The following SBF2 variants were observed in gnomAD, a reference collection of about 807,000 sequenced individuals.
SBF2 encodes the protein myotubularin-related protein 13.
SBF2 carries 112 observed loss-of-function variants against 225.2 expected under a neutral mutation model. That is an observed-to-expected ratio of 0.50 (90% confidence interval 0.43 to 0.58). The LOEUF is 0.58. SBF2 is among the 20% of genes least tolerant of loss of function. The pLI, the probability that SBF2 is intolerant of heterozygous loss-of-function variation, is 0.00. For synonymous variants in SBF2, 763 were observed against 773.3 expected, an observed-to-expected ratio of 0.99 and a Z score of 0.22; for missense variants, 1,996 against 2,206.2, an observed-to-expected ratio of 0.90 and a Z score of 1.91.
At chr11:10,047,916 C>A (rs1389003611) in intron 2 of SBF2, among the ~76,000 whole-genome samples, 1 of 152,162 alleles carries the variant, frequency 6.6e-6, no homozygotes, top group East Asian at 1.9e-4. Flanking sequence ...CTCTCGCCCT[C>A]TCCAAACCAA....
chr11:9,942,019 G>C (rs773119223), intron 16 of SBF2, among the ~76,000 whole-genome samples: 4 of 152,162 alleles, frequency 2.6e-5, no homozygotes, highest in Non-Finnish European at 5.9e-5. Context: ...CAACAAAACA[G>C]GGCACCTAAC....
rs569414528 is a variant in SBF2 at position 9,833,484 on chromosome 11, G to C, written c.3456-1064C>G. On this transcript the variant is annotated intron_variant, in intron 26 of 39. Transcript: ENST00000256190. ...CGCCCAGGCTGGAGTGCAGTGGCAC[G>C]ATCTCGGCCCATTGCAAGCTCCGCC... is the stretch of plus-strand genomic sequence containing the variant. Among the ~76,000 whole-genome samples the C allele has an allele frequency of 1.8e-4, 26 of 146,466 alleles. 1 individual carries two copies. The highest frequency in any genetic ancestry group is 6.5e-4 in the African/African-American group (26 of 39,798).
At chr11:10,001,163 T>C in intron 7 of SBF2, 141 bp from the exon 8 acceptor site, 1 of 609,916 alleles carries the variant, frequency 1.6e-6, no homozygotes, top group Non-Finnish European at 3.0e-6. Context: ...AATACTAAAA[T>C]TTTGGAAAAA....
intron 2 of SBF2, among the ~76,000 whole-genome samples, chr11:10,069,609 G>A (rs997740965): frequency 3.3e-5 from 5 of 152,118 alleles, no homozygotes; most frequent in African/African-American, 1.2e-4. Context: ...GAACAGTGCT[G>A]CAATAAACAT....
At chr11:10,024,581 C>T (rs1948980607) in intron 6 of SBF2, among the ~76,000 whole-genome samples, 1 of 151,982 alleles carries the variant, frequency 6.6e-6, no homozygotes, top group Admixed American at 6.6e-5. Flanking sequence ...TTGTTCTCAG[C>T]CCCCCAGACA....
At chr11:10,037,721 CTA>C (rs1273707693) in intron 3 of SBF2, among the ~76,000 whole-genome samples, 3 of 146,414 alleles carry the variant, frequency 2.0e-5, no homozygotes, top group Non-Finnish European at 4.5e-5. Flanking sequence ...CATGTTCTCT[CTA>C]TGTCTTCTAC....
chr11:9,899,967 T>A (rs1419806176), intron 16 of SBF2, among the ~76,000 whole-genome samples: 1 of 151,598 alleles, frequency 6.6e-6, no homozygotes, highest in East Asian at 1.9e-4. Flanking sequence ...CTGATAGCTG[T>A]TACTTGGGGG....
intron 8 of SBF2, among the ~76,000 whole-genome samples, chr11:9,999,129 G>C (rs1947833509): frequency 6.6e-6 from 1 of 152,100 alleles, no homozygotes; most frequent in African/African-American, 2.4e-5. Context: ...ACCAAGATGA[G>C]TGAAGTTGTT....
At chr11:9,784,257 A>G in intron 38 of SBF2, 94 bp downstream of exon 38, 2 of 948,872 alleles carry the variant, frequency 2.1e-6, no homozygotes, top group South Asian at 2.6e-5. Context: ...CAGTCTGTAC[A>G]TGAGGAATCT....
chr11:10,029,055 C>T (rs1273593586), intron 5 of SBF2, among the ~76,000 whole-genome samples: 1 of 152,016 alleles, frequency 6.6e-6, no homozygotes, highest in African/African-American at 2.4e-5. Flanking sequence ...ATGCCAATCC[C>T]ACTATAAGCA....
At chr11:9,920,206 A>G (rs145435679) in intron 16 of SBF2, among the ~76,000 whole-genome samples, 2,617 of 114,422 alleles carry the variant, frequency 0.023, 65 homozygotes, top group East Asian at 0.1. Flanking sequence ...GTGTGTGTGT[A>G]TATATATATA....
In SBF2 at chr11:9,849,257, C is replaced by A. The variant is rs187158336; in HGVS notation, c.2806+766G>T. 5.2e-3 allele frequency among the ~76,000 whole-genome samples: 790 copies of A among 152,160 alleles called. 10 individuals carry two copies. The South Asian group carries it at 0.055, about 11-fold the overall frequency. ...ACCACTGAATTATCACCAATGAAAG[C>A]CCAATCTCCCAATTTTATAAAAGAG... is the stretch of plus-strand genomic sequence containing the variant. On this transcript the variant is annotated intron_variant, in intron 22 of 39. Coordinates refer to ENST00000256190, the MANE Select transcript of SBF2 (RefSeq NM_030962.4).
At chr11:10,294,599 T>A (rs187116420), upstream of SBF2, among the ~76,000 whole-genome samples, 63 of 152,366 alleles carry the variant, frequency 4.1e-4, no homozygotes, top group African/African-American at 1.4e-3. Context: ...CCGCCCTCGG[T>A]TGGAAGCAAG....
chr11:10,013,147 A>C (rs1399466125), intron 6 of SBF2, among the ~76,000 whole-genome samples: 1 of 152,170 alleles, frequency 6.6e-6, no homozygotes, highest in Admixed American at 6.6e-5. Context: ...TCCTCTTCAC[A>C]ATTTCTCTGT....
intron 2 of SBF2, among the ~76,000 whole-genome samples, chr11:10,055,969 A>G (rs1191336632): frequency 6.6e-6 from 1 of 152,230 alleles, no homozygotes; most frequent in Non-Finnish European, 1.5e-5. Flanking sequence ...AAAAATTTCA[A>G]GAAGAAAATT....
chr11:10,035,966 G>A (rs1006942778), intron 3 of SBF2, among the ~76,000 whole-genome samples: 1 of 152,138 alleles, frequency 6.6e-6, no homozygotes, highest in Non-Finnish European at 1.5e-5. Context: ...GCACACGTAT[G>A]CTTATTGTGA....
chr11:9,980,986 A>G (rs1946931618), intron 13 of SBF2, among the ~76,000 whole-genome samples: 1 of 152,240 alleles, frequency 6.6e-6, no homozygotes, highest in Non-Finnish European at 1.5e-5. Context: ...TATTCCCTCA[A>G]AGAAAGATCA....
chr11:10,010,440 T>A (rs1376753788), intron 6 of SBF2, among the ~76,000 whole-genome samples: 1 of 152,198 alleles, frequency 6.6e-6, no homozygotes, highest in Non-Finnish European at 1.5e-5. Flanking sequence ...GGGTTGAGTT[T>A]CAGTTTTTTG....
chr11:9,942,242 A>AT lies in SBF2; in HGVS notation c.1860+19714dup, dbSNP rs552146645. On this transcript the variant is annotated intron_variant, in intron 16 of 39. Transcript: ENST00000256190. ...GCTACCATGGCTGGCTGATTTTTGT[A>AT]TTTTTTGTGAGACAGGGTTTCGCCA... Among the ~76,000 whole-genome samples, 5 of 152,086 alleles carry AT rather than the reference A, an allele frequency of 3.3e-5. No individual in the cohort carries two copies. In the South Asian group the frequency reaches 1.0e-3, roughly 32 times the overall value.
Sources: allele counts gnomAD v4.1 joint callset (sites outside exome capture counted in the v4.1 genomes callset), GRCh38; gene constraint gnomAD v4.1.1; transcripts MANE v1.5; gene names NCBI Gene and HGNC (gene_info 2026-07-23, HGNC 2026-07-21).